Variants in CGNL1 observed in about 807,000 individuals in gnomAD.
CGNL1 encodes the protein cingulin-like protein 1.
A neutral mutation model predicts 141.2 loss-of-function variants in CGNL1; 132 were observed. The observed-to-expected ratio is 0.93, with a 90% CI of 0.81 to 1.08. The LOEUF (loss-of-function observed/expected upper bound fraction) is 1.08, where lower values mean the gene tolerates loss of function less well. Ranked by LOEUF, CGNL1 falls within the 50% of genes least tolerant of loss-of-function variation. The probability of loss-of-function intolerance (pLI) is 0.00; values close to 1 mark genes in which losing one functional copy is unlikely to be tolerated. For synonymous variants in CGNL1, 690 were observed against 622.1 expected (o/e 1.11, Z -1.63); for missense variants, 1,870 against 1,588.6 (o/e 1.18, Z -3.01).
At chr15:57,420,570 G>C (rs911214035) in intron 1 of CGNL1, among the ~76,000 whole-genome samples, 39 of 152,230 alleles carry the variant, frequency 2.6e-4, no homozygotes, top group Middle Eastern at 6.8e-3. Flanking sequence ...TTTCGGAATC[G>C]TTAATGCATT....
In CGNL1 at chr15:57,378,363, G is replaced by GTTTTT. The variant is rs71116514; in HGVS notation, c.-16+1827_-16+1831dup. Among the ~76,000 whole-genome samples the GTTTTT allele has an allele frequency of 1.2e-3, 40 of 33,934 alleles. 7 individuals carry two copies. The highest frequency in any genetic ancestry group is 3.1e-3 in the African/African-American group (27 of 8,798). The allele number at this position is 33,934 out of a possible 152,430, so 22.3% of individuals were successfully genotyped here. A position where few individuals can be genotyped will look rare whatever the true frequency, so the allele number is the denominator to read the frequency against. ...TTTCTTAGGGGGTGGCCCTCTATGT[G>GTTTTT]TTTTTTTTTTTTTTTTTTTTTTTTT... On this transcript the variant is annotated intron_variant, in intron 1 of 18. Transcript: ENST00000281282.
intron 8 of CGNL1, among the ~76,000 whole-genome samples, chr15:57,504,941 G>T (rs747351603): frequency 2.0e-5 from 3 of 152,148 alleles, no homozygotes; most frequent in Non-Finnish European, 4.4e-5. Flanking sequence ...AACAGATGAG[G>T]GCTGGCCCTA....
chr15:57,435,479 G>A (rs2063095998), intron 1 of CGNL1, among the ~76,000 whole-genome samples: 1 of 149,770 alleles, frequency 6.7e-6, no homozygotes, highest in South Asian at 2.1e-4. Flanking sequence ...AAGAATGTAG[G>A]TTTTCACTTA....
intron 8 of CGNL1, among the ~76,000 whole-genome samples, chr15:57,473,152 A>G (rs56196295): frequency 0.15 from 22,624 of 152,190 alleles, 1,703 homozygotes; most frequent in Middle Eastern, 0.19. Context: ...AGCCTGGGAC[A>G]GTCACAGCCA....
At chr15:57,399,982 G>A (rs1187601680) in intron 1 of CGNL1, among the ~76,000 whole-genome samples, 1 of 144,442 alleles carries the variant, frequency 6.9e-6, no homozygotes, top group African/African-American at 2.6e-5. Flanking sequence ...TATAGAAATT[G>A]CTGTATTTCT....
chr15:57,532,521 G>C (rs74016263), intron 14 of CGNL1, among the ~76,000 whole-genome samples: 3 of 152,088 alleles, frequency 2.0e-5, no homozygotes, highest in African/African-American at 7.2e-5. Flanking sequence ...TCTGCACTTC[G>C]CTTGAGAAAT....
intron 8 of CGNL1, among the ~76,000 whole-genome samples, chr15:57,477,958 A>C (rs1233451890): frequency 2.0e-5 from 3 of 152,124 alleles, no homozygotes; most frequent in African/African-American, 7.2e-5. Flanking sequence ...TTAATAATTT[A>C]CTTTGCCCCT....
chr15:57,517,301 C>T (rs1467754552), intron 9 of CGNL1, among the ~76,000 whole-genome samples: 3 of 152,226 alleles, frequency 2.0e-5, no homozygotes, highest in African/African-American at 7.2e-5. Context: ...GCTGTCTTAA[C>T]ACCACCATTA....
chr15:57,382,300 A>G (rs1344347595), intron 1 of CGNL1, among the ~76,000 whole-genome samples: 1 of 152,212 alleles, frequency 6.6e-6, no homozygotes, highest in Non-Finnish European at 1.5e-5. Context: ...TCAACCCGAG[A>G]AGGATCAGCT....
chr15:57,377,188 T>G (rs1467932959), intron 1 of CGNL1: 1 of 150,856 alleles, frequency 6.6e-6, no homozygotes, highest in Non-Finnish European at 1.5e-5. Flanking sequence ...CATGTTGGAG[T>G]TAGTTACACA....
chr15:57,403,064 T>C (rs1222377673), intron 1 of CGNL1, among the ~76,000 whole-genome samples: 1 of 152,210 alleles, frequency 6.6e-6, no homozygotes, highest in African/African-American at 2.4e-5. Context: ...ATTGAATCCT[T>C]TGCTATCATT....
chr15:57,456,193 A>G (rs1212977206), intron 7 of CGNL1, among the ~76,000 whole-genome samples: 1 of 152,196 alleles, frequency 6.6e-6, no homozygotes, highest in African/African-American at 2.4e-5. Flanking sequence ...GGGGAATTTG[A>G]TAACAGAGTA....
At chr15:57,490,923 T>C (rs181601265) in intron 8 of CGNL1, among the ~76,000 whole-genome samples, 6 of 152,244 alleles carry the variant, frequency 3.9e-5, no homozygotes, top group Non-Finnish European at 7.4e-5. Context: ...CAAATTCCAA[T>C]TGAGGAACAT....
chr15:57,547,666 C>T lies in CGNL1; in HGVS notation c.*176C>T. On this transcript the variant is annotated 3_prime_UTR_variant, in exon 19 of 19. Coordinates refer to ENST00000281282, the MANE Select transcript of CGNL1 (RefSeq NM_032866.5). ...CCAGGGTCTCTCAGTGGGTCTTCGA[C>T]AGAGAGCTTTTGCAGTTTAAAATGT... is the stretch of plus-strand genomic sequence containing the variant. 2 of 657,704 alleles carry T rather than the reference C, an allele frequency of 3.0e-6. No individual in the cohort carries two copies. Among genetic ancestry groups the T allele is most frequent in the Non-Finnish European group, 4.9e-6 (2 of 409,614 alleles). 40.7% of individuals were successfully genotyped at this position (657,704 alleles called of 1,614,324 possible).
chr15:57,543,433 T>C (rs2032675187), intron 14 of CGNL1, among the ~76,000 whole-genome samples: 2 of 152,176 alleles, frequency 1.3e-5, no homozygotes, highest in African/African-American at 4.8e-5. Flanking sequence ...ACATATCTTT[T>C]TGAGGGGACA....
chr15:57,402,157 T>C (rs1266118377), intron 1 of CGNL1: 2 of 152,244 alleles, frequency 1.3e-5, no homozygotes, highest in Non-Finnish European at 1.5e-5. Context: ...GTTTGGGTCA[T>C]GGGAGTAGAT....
At chr15:57,440,808 C>A (rs1459843802) in intron 3 of CGNL1, among the ~76,000 whole-genome samples, 1 of 152,146 alleles carries the variant, frequency 6.6e-6, no homozygotes, top group African/African-American at 2.4e-5. Context: ...TTGAGTTCTT[C>A]CGTGCAATGT....
At chr15:57,511,739 C>T (rs2030324301) in intron 8 of CGNL1, among the ~76,000 whole-genome samples, 1 of 152,098 alleles carries the variant, frequency 6.6e-6, no homozygotes, top group Non-Finnish European at 1.5e-5. Context: ...GTTACTTTTG[C>T]CTTTGTGGTG....
At chr15:57,418,115 G>A (rs2062870360) in intron 1 of CGNL1, among the ~76,000 whole-genome samples, 1 of 152,116 alleles carries the variant, frequency 6.6e-6, no homozygotes, top group Admixed American at 6.5e-5. Context: ...AGGAGTAGCT[G>A]GGAAGAGGCA....
Sources: allele counts gnomAD v4.1 joint callset (sites outside exome capture counted in the v4.1 genomes callset), GRCh38; gene constraint gnomAD v4.1.1; transcripts MANE v1.5; gene names NCBI Gene and HGNC (gene_info 2026-07-23, HGNC 2026-07-21).